ADAMTSL1: variants seen among roughly 807,000 people sequenced by gnomAD.
ADAMTSL1 encodes ADAMTS-like protein 1.
ADAMTSL1 carries 126 observed loss-of-function variants against 201.8 expected under a neutral mutation model. The ratio of observed to expected loss-of-function variants is 0.62; its 90% confidence interval spans 0.54 to 0.72. The LOEUF is 0.72. ADAMTSL1 is among the 30% of genes least tolerant of loss of function. ADAMTSL1 has a pLI of 0.00. For missense variants in ADAMTSL1, 2,679 were observed against 2,277.8 expected (o/e 1.18, Z -3.59); for synonymous variants, 1,121 against 903.4 (o/e 1.24, Z -4.32).
At chr9:18,827,633 G>C (rs961522188) in intron 22 of ADAMTSL1, among the ~76,000 whole-genome samples, 2 of 152,148 alleles carry the variant, frequency 1.3e-5, no homozygotes, top group Admixed American at 6.6e-5. Flanking sequence ...GCTTACCAAT[G>C]AGATTTTTCT....
intron 1 of ADAMTSL1, among the ~76,000 whole-genome samples, chr9:18,157,141 A>G (rs1296550652): frequency 1.3e-5 from 2 of 152,036 alleles, no homozygotes; most frequent in Admixed American, 6.6e-5. Flanking sequence ...TGTGTTCATA[A>G]CAAGTTAGAG....
intron 2 of ADAMTSL1, among the ~76,000 whole-genome samples, chr9:18,298,874 G>T (rs549439855): frequency 6.6e-6 from 1 of 152,040 alleles, no homozygotes; most frequent in East Asian, 1.9e-4. Context: ...AGCCGGTCGT[G>T]GTGGCGGGCG....
intron 2 of ADAMTSL1, among the ~76,000 whole-genome samples, chr9:18,317,402 A>C (rs1834447349): frequency 6.6e-6 from 1 of 151,548 alleles, no homozygotes; most frequent in Non-Finnish European, 1.5e-5. Flanking sequence ...CAACACACAC[A>C]CACACACACA....
chr9:18,130,461 A>G (rs1484028467), intron 1 of ADAMTSL1, among the ~76,000 whole-genome samples: 4 of 152,146 alleles, frequency 2.6e-5, no homozygotes, highest in Non-Finnish European at 2.9e-5. Flanking sequence ...AAATTTGACC[A>G]ATTATTTATG....
chr9:17,976,391 C>T (rs1818450124), intron 1 of ADAMTSL1, among the ~76,000 whole-genome samples: 2 of 151,894 alleles, frequency 1.3e-5, no homozygotes, highest in Non-Finnish European at 2.9e-5. Context: ...ATGTCTTCTT[C>T]AGTTTTTTTA....
chr9:18,503,421 G>GTGTATATATATATATATATCTATA (rs376466829), intron 1 of ADAMTSL1, among the ~76,000 whole-genome samples: 1 of 115,272 alleles, frequency 8.7e-6, no homozygotes, highest in African/African-American at 3.1e-5. Context: ...ATTCCATTGT[G>GTGTATATATATATATATATCTATA]TATATATATA....
intron 2 of ADAMTSL1, among the ~76,000 whole-genome samples, chr9:18,203,790 C>T (rs1315814410): frequency 6.6e-6 from 1 of 152,060 alleles, no homozygotes; most frequent in Non-Finnish European, 1.5e-5. Context: ...GTGGTTAGTG[C>T]AAGTATGGCT....
At chr9:18,130,308 G>A (rs1825898317) in intron 1 of ADAMTSL1, among the ~76,000 whole-genome samples, 1 of 152,118 alleles carries the variant, frequency 6.6e-6, no homozygotes, top group Admixed American at 6.5e-5. Context: ...TAAGAATCAG[G>A]CCATGTTCTT....
intron 2 of ADAMTSL1, among the ~76,000 whole-genome samples, chr9:18,505,840 C>G (rs558693334): frequency 1.3e-5 from 2 of 152,178 alleles, no homozygotes; most frequent in South Asian, 2.1e-4. Flanking sequence ...AGTGGTGAGA[C>G]AGAGGTTCAG....
chr9:18,445,961 A>T (rs140276351), intron 2 of ADAMTSL1, among the ~76,000 whole-genome samples: 23 of 152,290 alleles, frequency 1.5e-4, no homozygotes, highest in Non-Finnish European at 2.9e-4. Flanking sequence ...GTAGGTATTC[A>T]TCCCCCTATT....
At chr9:18,688,541 G>A (rs117154876) in intron 13 of ADAMTSL1, among the ~76,000 whole-genome samples, 321 of 149,410 alleles carry the variant, frequency 2.1e-3, no homozygotes, top group Non-Finnish European at 3.7e-3. Context: ...GGTGGTGTGT[G>A]CCTATATTCG....
intron 23 of ADAMTSL1, among the ~76,000 whole-genome samples, chr9:18,833,857 A>G (rs1825151758): frequency 6.6e-6 from 1 of 152,156 alleles, no homozygotes; most frequent in East Asian, 1.9e-4. Flanking sequence ...TCTTGAGTTA[A>G]TTTTTGTATA....
chr9:17,953,412 T>C (rs941698452), intron 1 of ADAMTSL1, among the ~76,000 whole-genome samples: 1 of 152,142 alleles, frequency 6.6e-6, no homozygotes. Context: ...AAGGGGAGAA[T>C]AGAAAACTAG....
At chr9:18,811,037 A>AC (rs1310092315) in intron 20 of ADAMTSL1, among the ~76,000 whole-genome samples, 2 of 136,774 alleles carry the variant, frequency 1.5e-5, no homozygotes, top group African/African-American at 6.5e-5. Context: ...AAAAAAAAAC[A>AC]AACACCAGCT....
chr9:18,645,686 A>G (rs1041957332), intron 7 of ADAMTSL1, among the ~76,000 whole-genome samples: 1 of 150,184 alleles, frequency 6.7e-6, no homozygotes, highest in African/African-American at 2.4e-5. Context: ...TTTGTCAAAG[A>G]TCAGATAGTT....
rs150826769 is a variant in ADAMTSL1 at position 18,036,258 on chromosome 9, G to C, written c.88-127604G>C. 3.3e-3 allele frequency among the ~76,000 whole-genome samples: 509 copies of C among 152,302 alleles called. 3 individuals are homozygous for C. Among genetic ancestry groups the C allele is most frequent in the African/African-American group, 0.012 (483 of 41,572 alleles). ...GGAAGGCAGGCTGGCCCTGCAAAAA[G>C]AGAGGCAGGGAAGAGGTTGAGAGGC... On this transcript the variant is annotated intron_variant, in intron 1 of 29. Transcript: ENST00000680146.
chr9:18,682,105 A>G, intron 12 of ADAMTSL1, 146 bp downstream of exon 12: 1 of 952,220 alleles, frequency 1.1e-6, no homozygotes, highest in Non-Finnish European at 1.5e-6. Context: ...GAATTTGATT[A>G]TCTTAAAGAA....
At chr9:18,839,693 C>A (rs1321569188) in intron 23 of ADAMTSL1, among the ~76,000 whole-genome samples, 1 of 152,128 alleles carries the variant, frequency 6.6e-6, no homozygotes, top group Non-Finnish European at 1.5e-5. Flanking sequence ...TCTCCAGCAC[C>A]TGTTGTTTCC....
chr9:18,205,652 G>A (rs935613403), intron 2 of ADAMTSL1, among the ~76,000 whole-genome samples: 5 of 152,054 alleles, frequency 3.3e-5, no homozygotes, highest in African/African-American at 1.2e-4. Flanking sequence ...TGTACTTCAT[G>A]ATGTTCTCTC....
Sources: allele counts gnomAD v4.1 joint callset (sites outside exome capture counted in the v4.1 genomes callset), GRCh38; gene constraint gnomAD v4.1.1; transcripts MANE v1.5; gene names NCBI Gene and HGNC (gene_info 2026-07-23, HGNC 2026-07-21).